PTPRN2: variants seen among roughly 807,000 people sequenced by gnomAD.
PTPRN2 encodes receptor-type tyrosine-protein phosphatase N2.
PTPRN2 carries 74 observed loss-of-function variants against 118.8 expected under a neutral mutation model. That is an observed-to-expected ratio of 0.62 (90% CI 0.52 to 0.76). The LOEUF (loss-of-function observed/expected upper bound fraction) is 0.76, where lower values mean the gene tolerates loss of function less well. Among genes scored for constraint, PTPRN2 ranks in the 30% least tolerant of loss-of-function variants. The pLI is 0.00. For synonymous variants in PTPRN2, 641 were observed against 608.0 expected, an observed-to-expected ratio of 1.05 and a Z score of -0.80; for missense variants, 1,481 against 1,394.4, an observed-to-expected ratio of 1.06 and a Z score of -0.99.
chr7:158,118,441 A>G (rs535082922), intron 9 of PTPRN2, among the ~76,000 whole-genome samples: 89 of 152,338 alleles, frequency 5.8e-4, no homozygotes, highest in Non-Finnish European at 1.0e-3. Context: ...TTAATTTTTA[A>G]AAATCTACTA....
intron 1 of PTPRN2, among the ~76,000 whole-genome samples, chr7:158,556,212 A>G (rs1045498607): frequency 1.3e-5 from 2 of 152,302 alleles, no homozygotes; most frequent in Admixed American, 1.3e-4. Flanking sequence ...GACGATTGAC[A>G]GGTAAAGATA....
intron 10 of PTPRN2, among the ~76,000 whole-genome samples, chr7:158,082,892 G>A (rs759187607): frequency 1.9e-4 from 29 of 152,150 alleles, no homozygotes; most frequent in Admixed American, 3.9e-4. Context: ...GTGTCTTCTC[G>A]AGCCCAGGCC....
At chr7:157,877,303 G>A (rs1795833699) in intron 12 of PTPRN2, among the ~76,000 whole-genome samples, 1 of 149,048 alleles carries the variant, frequency 6.7e-6, no homozygotes, top group Non-Finnish European at 1.5e-5. Context: ...GGGTTTCCTT[G>A]GGGACCCCGG....
chr7:157,572,298 G>A (rs188356028), intron 19 of PTPRN2, among the ~76,000 whole-genome samples: 4 of 152,186 alleles, frequency 2.6e-5, no homozygotes, highest in Admixed American at 6.5e-5. Flanking sequence ...GCGGAACCTC[G>A]GGTTATTGGA....
intron 12 of PTPRN2, among the ~76,000 whole-genome samples, chr7:157,713,283 A>G (rs1798741867): frequency 6.6e-6 from 1 of 152,156 alleles, no homozygotes; most frequent in African/African-American, 2.4e-5. Flanking sequence ...CTTTAATTCT[A>G]TTATTGACAA....
intron 3 of PTPRN2, among the ~76,000 whole-genome samples, chr7:158,291,772 A>G (rs781421070): frequency 6.6e-6 from 1 of 152,254 alleles, no homozygotes; most frequent in African/African-American, 2.4e-5. Context: ...TGACTTCTTC[A>G]TATAGCTTTG....
intron 2 of PTPRN2, among the ~76,000 whole-genome samples, chr7:158,429,072 C>A (rs1815972114): frequency 6.6e-6 from 1 of 152,202 alleles, no homozygotes; most frequent in African/African-American, 2.4e-5. Context: ...CTGGCTGTCT[C>A]GCTTGCTAAA....
intron 16 of PTPRN2, among the ~76,000 whole-genome samples, chr7:157,597,795 C>T (rs1005566014): frequency 2.0e-5 from 3 of 152,318 alleles, no homozygotes; most frequent in South Asian, 2.1e-4. Context: ...GCCTCACCTC[C>T]CTCCCGCCCA....
chr7:158,388,593 C>T (rs542085755), intron 2 of PTPRN2, among the ~76,000 whole-genome samples: 1 of 152,350 alleles, frequency 6.6e-6, no homozygotes, highest in African/African-American at 2.4e-5. Context: ...TGTCTGCCAA[C>T]CTGCGAGCTC....
chr7:157,665,527 C>T (rs988185277), intron 13 of PTPRN2, among the ~76,000 whole-genome samples: 2 of 152,196 alleles, frequency 1.3e-5, no homozygotes, highest in Non-Finnish European at 2.9e-5. Flanking sequence ...CCTGCCTGGC[C>T]CTGAAGGCAC....
At chr7:158,083,519 G>A (rs922691696) in intron 10 of PTPRN2, among the ~76,000 whole-genome samples, 15 of 152,182 alleles carry the variant, frequency 9.9e-5, no homozygotes, top group African/African-American at 3.6e-4. Flanking sequence ...TCTAAAGGCT[G>A]TGAGGAGGTT....
Position 157,723,279 on chromosome 7 carries a change from C to T in PTPRN2, c.1789-40342G>A, listed in dbSNP as rs1799346437. On this transcript the variant is annotated intron_variant, in intron 12 of 22. Transcript: ENST00000389418. Reference sequence around the variant, plus strand: ...CCACACTCTGGCACCAGAATGTCCACGGGGACAGCTCTGGTCTGGCCTGGC... The same window carrying T: ...CCACACTCTGGCACCAGAATGTCCATGGGGACAGCTCTGGTCTGGCCTGGC... 2.0e-5 allele frequency among the ~76,000 whole-genome samples: 3 copies of T among 152,196 alleles called. No homozygotes were observed. In the South Asian group the frequency reaches 6.2e-4, roughly 32 times the overall value.
At chr7:158,384,977 A>G (rs1811224299) in intron 2 of PTPRN2, among the ~76,000 whole-genome samples, 1 of 152,042 alleles carries the variant, frequency 6.6e-6, no homozygotes, top group Admixed American at 6.6e-5. Flanking sequence ...CCCCCACAGC[A>G]GGATTTGCTG....
chr7:158,169,424 G>C (rs1015661400), intron 5 of PTPRN2, among the ~76,000 whole-genome samples: 33 of 141,454 alleles, frequency 2.3e-4, no homozygotes, highest in African/African-American at 9.4e-4. Flanking sequence ...GTGAGTGTGT[G>C]TGTGTGTGTG....
At chr7:158,189,178 AT>A (rs1825556321) in intron 5 of PTPRN2, among the ~76,000 whole-genome samples, 1 of 152,144 alleles carries the variant, frequency 6.6e-6, no homozygotes, top group Admixed American at 6.5e-5. Flanking sequence ...TAATGTGTGG[AT>A]GTTGCGGCTG....
chr7:158,216,486 G>C (rs908992492), intron 3 of PTPRN2, among the ~76,000 whole-genome samples: 1 of 151,806 alleles, frequency 6.6e-6, no homozygotes, highest in African/African-American at 2.4e-5. Flanking sequence ...TGAATAAAAT[G>C]ATATAGGATG....
chr7:157,658,219 A>G (rs1795694299), intron 13 of PTPRN2, among the ~76,000 whole-genome samples: 2 of 152,232 alleles, frequency 1.3e-5, no homozygotes, highest in African/African-American at 2.4e-5. Context: ...GGACTGAGAT[A>G]CAGAAACTGG....
intron 9 of PTPRN2, among the ~76,000 whole-genome samples, chr7:158,118,977 T>C (rs1816938332): frequency 6.6e-6 from 1 of 152,204 alleles, no homozygotes; most frequent in Admixed American, 6.5e-5. Context: ...ACTGAAATTA[T>C]AGGCATCAGC....
chr7:157,795,144 A>C (rs576099305), intron 12 of PTPRN2, among the ~76,000 whole-genome samples: 2 of 115,604 alleles, frequency 1.7e-5, no homozygotes, highest in East Asian at 5.9e-4. Flanking sequence ...TGCATCTAGG[A>C]GGCACTTCGG....
Sources: gnomAD v4.1 joint callset for allele counts (sites outside exome capture counted in the v4.1 genomes callset) on GRCh38, gnomAD v4.1.1 for gene constraint, MANE v1.5 for transcripts, NCBI Gene and HGNC (gene_info 2026-07-23, HGNC 2026-07-21) for gene names.